The following NDUFAF2 variants were observed in gnomAD, a reference collection of about 807,000 sequenced individuals.
NDUFAF2 encodes NADH:ubiquinone oxidoreductase complex assembly factor 2.
NDUFAF2 carries 13 observed loss-of-function variants against 22.8 expected under a neutral mutation model. That is an observed-to-expected ratio of 0.57 (90% CI 0.37 to 0.91). The LOEUF (loss-of-function observed/expected upper bound fraction) is 0.91, where lower values mean the gene tolerates loss of function less well. Among genes scored for constraint, NDUFAF2 ranks in the 40% least tolerant of loss-of-function variants. The pLI is 0.01. For missense variants in NDUFAF2, 162 were observed against 195.2 expected, an observed-to-expected ratio of 0.83 and a Z score of 1.01; for synonymous variants, 53 against 64.2, an observed-to-expected ratio of 0.83 and a Z score of 0.84.
chr5:60,956,927 T>C (rs1365567547), intron 1 of NDUFAF2, among the ~76,000 whole-genome samples: 1 of 148,234 alleles, frequency 6.7e-6, no homozygotes, highest in East Asian at 2.0e-4. Context: ...CTCAAACACT[T>C]TTGAGAAACC....
At chr5:61,052,733 G>C (rs1752040529) in intron 1 of NDUFAF2, among the ~76,000 whole-genome samples, 1 of 152,132 alleles carries the variant, frequency 6.6e-6, no homozygotes, top group Non-Finnish European at 1.5e-5. Context: ...AATTTGATAA[G>C]TTTTTTTCTG....
At chr5:61,150,187 C>T (rs1741209966) in intron 3 of NDUFAF2, among the ~76,000 whole-genome samples, 2 of 152,184 alleles carry the variant, frequency 1.3e-5, no homozygotes, top group East Asian at 1.9e-4. Context: ...CCGCCTCGGC[C>T]TCCCAAAGTG....
intron 1 of NDUFAF2, among the ~76,000 whole-genome samples, chr5:60,971,579 G>A (rs973507391): frequency 2.6e-5 from 4 of 152,126 alleles, no homozygotes; most frequent in East Asian, 3.9e-4. Flanking sequence ...GAGCCACCGC[G>A]CCCGGCATAT....
chr5:60,982,249 A>T (rs1469941010), intron 1 of NDUFAF2, among the ~76,000 whole-genome samples: 3 of 152,128 alleles, frequency 2.0e-5, no homozygotes, highest in Non-Finnish European at 4.4e-5. Context: ...CAAAAGAAAG[A>T]GGTTTAATGG....
intron 1 of NDUFAF2, among the ~76,000 whole-genome samples, chr5:61,066,236 T>G (rs368360560): frequency 4.8e-4 from 73 of 152,194 alleles, no homozygotes; most frequent in African/African-American, 1.7e-3. Context: ...GGATATCCCA[T>G]GCTCATGGAT....
At chr5:61,027,923 A>G (rs1316275232) in intron 1 of NDUFAF2, among the ~76,000 whole-genome samples, 1 of 152,016 alleles carries the variant, frequency 6.6e-6, no homozygotes, top group Non-Finnish European at 1.5e-5. Flanking sequence ...ATTGACTGCC[A>G]TCTTTGTATC....
In NDUFAF2 at chr5:61,099,022, C is replaced by A. The variant is rs1239763692; in HGVS notation, c.248C>A (p.Pro83His). ...ATTAGAAGAACAAGAAAGACTCCAC[C>A]TACTATGGAGGTAAGACTACACAAG... ...AWIRRTRKTPPTMEEILKNEK... is the reference protein window; with the variant it reads ...AWIRRTRKTPHTMEEILKNEK... Residue 83 changes from proline (P) to histidine (H), a missense_variant, in exon 3 of 4, where the codon CCT becomes CAT. Pro to His is a moderately conservative substitution (Grantham distance 77). Coordinates refer to ENST00000296597, the MANE Select transcript of NDUFAF2 (RefSeq NM_174889.5). The A allele has an allele frequency of 1.3e-6, 2 of 1,599,046 alleles. No homozygotes were observed. Among genetic ancestry groups the A allele is most frequent in the South Asian group, 1.1e-5 (1 of 89,570 alleles).
At chr5:61,019,401 A>G (rs78808092) in intron 1 of NDUFAF2, among the ~76,000 whole-genome samples, 3,656 of 151,860 alleles carry the variant, frequency 0.024, 63 homozygotes, top group Non-Finnish European at 0.037. Flanking sequence ...CCTTTTCCCT[A>G]TCTTCACTCC....
At chr5:61,119,029 C>T (rs1385547965) in intron 3 of NDUFAF2, among the ~76,000 whole-genome samples, 1 of 151,804 alleles carries the variant, frequency 6.6e-6, no homozygotes. Context: ...AAGAATATAC[C>T]GAAACCTTAT....
intron 1 of NDUFAF2, among the ~76,000 whole-genome samples, chr5:61,064,083 C>T (rs1752200096): frequency 6.6e-6 from 1 of 152,000 alleles, no homozygotes. Flanking sequence ...CAAAAGAAAG[C>T]AAGCGTGGCT....
chr5:61,110,682 TA>T (rs1426749622), intron 3 of NDUFAF2, among the ~76,000 whole-genome samples: 3 of 152,082 alleles, frequency 2.0e-5, no homozygotes, highest in Non-Finnish European at 4.4e-5. Flanking sequence ...TTTCACGTCT[TA>T]TTTTTTTGTA....
chr5:61,073,225 G>T lies in NDUFAF2; in HGVS notation c.217+11G>T. On this transcript the variant is annotated intron_variant, in intron 2 of 3. Coordinates refer to ENST00000296597, the MANE Select transcript of NDUFAF2 (RefSeq NM_174889.5). Reference sequence around the variant, plus strand: ...CAACAGAATGGGAAGGTAAGTTTCTGCTTTTAGTAGAATCTCATGGGAGGT... The same window carrying T: ...CAACAGAATGGGAAGGTAAGTTTCTTCTTTTAGTAGAATCTCATGGGAGGT... 6.4e-7 allele frequency: 1 copy of T among 1,574,456 alleles called. No individual in the cohort carries two copies.
At chr5:61,074,839 C>T (rs905436230) in intron 2 of NDUFAF2, among the ~76,000 whole-genome samples, 2 of 152,082 alleles carry the variant, frequency 1.3e-5, no homozygotes, top group African/African-American at 2.4e-5. Context: ...CTCACAGCTC[C>T]GCATAGCTGG....
At chr5:61,048,361 C>T (rs1329004871) in intron 1 of NDUFAF2, among the ~76,000 whole-genome samples, 1 of 152,102 alleles carries the variant, frequency 6.6e-6, no homozygotes, top group African/African-American at 2.4e-5. Context: ...GGGTTAGTGC[C>T]TACTCACATT....
At chr5:61,104,392 A>G (rs1447777408) in intron 3 of NDUFAF2, among the ~76,000 whole-genome samples, 2 of 152,102 alleles carry the variant, frequency 1.3e-5, no homozygotes, top group Non-Finnish European at 2.9e-5. Context: ...ATGGTTTATT[A>G]TAGGTTTACA....
chr5:61,055,733 C>T (rs547896048), intron 1 of NDUFAF2, among the ~76,000 whole-genome samples: 1 of 152,232 alleles, frequency 6.6e-6, no homozygotes, highest in Admixed American at 6.5e-5. Context: ...AAAAGGGAGG[C>T]AGCATGAACC....
intron 1 of NDUFAF2, among the ~76,000 whole-genome samples, chr5:61,014,346 C>G (rs1213294570): frequency 6.6e-6 from 1 of 152,170 alleles, no homozygotes; most frequent in Admixed American, 6.6e-5. Flanking sequence ...TGGCACACCT[C>G]AGCTCCATGG....
At chr5:61,149,921 T>C (rs1283284480) in intron 3 of NDUFAF2, among the ~76,000 whole-genome samples, 1 of 152,120 alleles carries the variant, frequency 6.6e-6, no homozygotes, top group Non-Finnish European at 1.5e-5. Flanking sequence ...TGTTGTTGTT[T>C]GGGGGTTTTT....
intron 2 of NDUFAF2, among the ~76,000 whole-genome samples, chr5:61,092,812 C>T (rs1311508184): frequency 1.3e-5 from 2 of 151,950 alleles, no homozygotes; most frequent in East Asian, 3.9e-4. Flanking sequence ...TTGTATTAGT[C>T]AGAGTTCTCT....
Sources: gnomAD v4.1 joint callset for allele counts (sites outside exome capture counted in the v4.1 genomes callset) on GRCh38, gnomAD v4.1.1 for gene constraint, MANE v1.5 for transcripts, NCBI Gene and HGNC (gene_info 2026-07-23, HGNC 2026-07-21) for gene names.